SUPT3H: variants seen among roughly 807,000 people sequenced by gnomAD.
The protein encoded by SUPT3H is transcription initiation protein SPT3 homolog.
In SUPT3H, 44 loss-of-function variants were observed where a neutral mutation model predicts 44.3. The observed-to-expected ratio is 0.99, with a 90% confidence interval of 0.78 to 1.28. SUPT3H has a LOEUF of 1.28. Ranked by LOEUF, SUPT3H falls within the 50% of genes most tolerant of loss-of-function variation. SUPT3H has a pLI of 0.00. For synonymous variants in SUPT3H, 124 were observed against 125.6 expected (o/e 0.99, Z 0.09); for missense variants, 380 against 387.1 (o/e 0.98, Z 0.15).
At position 44,948,718 on chromosome 6, in the gene SUPT3H, A is replaced by G. The variant is rs1165414450; in HGVS notation, c.801+4592T>C. On this transcript the variant is annotated intron_variant, in intron 9 of 10. Transcript: ENST00000371459. ...ACCATCTCACACCACTTAGAATGGC[A>G]ATCATTAAAAAGTCAGGAAACAACA... Among the ~76,000 whole-genome samples the G allele has an allele frequency of 1.4e-4, 22 of 152,158 alleles. No individual in the cohort carries two copies. The East Asian group carries it at 3.9e-3, about 27-fold the overall frequency.
chr6:45,325,085 A>G (rs1786144483), intron 2 of SUPT3H, among the ~76,000 whole-genome samples: 1 of 151,830 alleles, frequency 6.6e-6, no homozygotes, highest in South Asian at 2.1e-4. Flanking sequence ...ACAGTCACAT[A>G]CCAAGATGAA....
intron 10 of SUPT3H, among the ~76,000 whole-genome samples, chr6:44,893,049 TACAA>T (rs1266831081): frequency 1.3e-5 from 2 of 152,032 alleles, no homozygotes; most frequent in African/African-American, 2.4e-5. Context: ...AAACAATATA[TACAA>T]ACACACACAC....
At chr6:44,988,023 T>C (rs1244982783) in intron 6 of SUPT3H, among the ~76,000 whole-genome samples, 1 of 152,176 alleles carries the variant, frequency 6.6e-6, no homozygotes, top group Non-Finnish European at 1.5e-5. Context: ...ATTAGTCTGC[T>C]TATTTTTCTC....
chr6:45,130,575 T>C (rs917884094), intron 2 of SUPT3H, among the ~76,000 whole-genome samples: 2 of 151,820 alleles, frequency 1.3e-5, no homozygotes, highest in Admixed American at 6.6e-5. Context: ...TCCTACTGCA[T>C]TTTTACTGTA....
chr6:45,160,134 G>A (rs992441187), intron 2 of SUPT3H, among the ~76,000 whole-genome samples: 3 of 152,284 alleles, frequency 2.0e-5, no homozygotes, highest in Admixed American at 6.5e-5. Flanking sequence ...CAAGGATACC[G>A]AAATGTTTCT....
chr6:44,815,254 TA>T (rs1766831925), intron 11 of SUPT3H, among the ~76,000 whole-genome samples: 1 of 152,162 alleles, frequency 6.6e-6, no homozygotes, highest in Admixed American at 6.5e-5. Context: ...AAGAACAAGT[TA>T]AAGAGTTAAA....
intron 2 of SUPT3H, among the ~76,000 whole-genome samples, chr6:45,151,360 G>A (rs1273814653): frequency 6.6e-6 from 1 of 152,008 alleles, no homozygotes; most frequent in Non-Finnish European, 1.5e-5. Flanking sequence ...AATATCCTCT[G>A]TTAAGCAAGT....
At chr6:44,977,909 A>G (rs1035719036) in intron 6 of SUPT3H, among the ~76,000 whole-genome samples, 1 of 152,160 alleles carries the variant, frequency 6.6e-6, no homozygotes, top group Admixed American at 6.5e-5. Context: ...TGAAACCCTC[A>G]GATTGCGCTA....
intron 2 of SUPT3H, among the ~76,000 whole-genome samples, chr6:45,141,035 T>C (rs147047107): frequency 7.9e-5 from 12 of 152,204 alleles, no homozygotes; most frequent in African/African-American, 2.6e-4. Flanking sequence ...ATCTCTGCAT[T>C]GCCACATAAA....
intron 2 of SUPT3H, among the ~76,000 whole-genome samples, chr6:45,243,770 T>C (rs1003666548): frequency 6.6e-6 from 1 of 152,220 alleles, no homozygotes; most frequent in East Asian, 1.9e-4. Flanking sequence ...ATAAATATCA[T>C]TCTGAATTAC....
At chr6:45,223,485 C>A (rs961411637) in intron 2 of SUPT3H, among the ~76,000 whole-genome samples, 1 of 151,846 alleles carries the variant, frequency 6.6e-6, no homozygotes, top group Non-Finnish European at 1.5e-5. Context: ...CTAGAAATTC[C>A]AATCTAAAAT....
chr6:45,206,180 G>T (rs576731145), intron 2 of SUPT3H, among the ~76,000 whole-genome samples: 2 of 152,252 alleles, frequency 1.3e-5, no homozygotes, highest in South Asian at 4.1e-4. Context: ...AAGAACATGT[G>T]TTAGTAAGGA....
In SUPT3H at chr6:45,224,872, A is replaced by G. The variant is rs192206558; in HGVS notation, c.102-118866T>C. Among the ~76,000 whole-genome samples the G allele has an allele frequency of 7.2e-5, 11 of 152,216 alleles. No individual in the cohort carries two copies. The East Asian group carries it at 1.9e-3, about 27-fold the overall frequency. ...AAGGTAAGATAATTTTTCATTTATT[A>G]TAATATCTATCATTGCCACTATAAT... is the stretch of plus-strand genomic sequence containing the variant. On this transcript the variant is annotated intron_variant, in intron 2 of 10. Coordinates refer to ENST00000371459, the MANE Select transcript of SUPT3H (RefSeq NM_003599.4).
chr6:45,347,087 A>G (rs1791038796), intron 2 of SUPT3H, among the ~76,000 whole-genome samples: 1 of 152,212 alleles, frequency 6.6e-6, no homozygotes, highest in African/African-American at 2.4e-5. Context: ...AAATAAAAAT[A>G]CCCCACAAAT....
intron 2 of SUPT3H, among the ~76,000 whole-genome samples, chr6:45,228,648 TAAAAAA>T (rs1167906061): frequency 6.6e-6 from 1 of 151,918 alleles, no homozygotes; most frequent in Non-Finnish European, 1.5e-5. Flanking sequence ...AAAATAAAAA[TAAAAAA>T]AATTTTTTTT....
At chr6:45,207,608 A>C (rs1331465124) in intron 2 of SUPT3H, among the ~76,000 whole-genome samples, 1 of 152,128 alleles carries the variant, frequency 6.6e-6, no homozygotes, top group African/African-American at 2.4e-5. Flanking sequence ...GCATGGGCTC[A>C]TTTCATATCT....
intron 2 of SUPT3H, among the ~76,000 whole-genome samples, chr6:45,194,516 A>T (rs1053280228): frequency 6.6e-6 from 1 of 152,324 alleles, no homozygotes; most frequent in Non-Finnish European, 1.5e-5. Flanking sequence ...AAAAGAGCAG[A>T]GTAAAATTAT....
intron 5 of SUPT3H, among the ~76,000 whole-genome samples, chr6:45,005,984 T>C (rs1453628542): frequency 6.6e-6 from 1 of 152,144 alleles, no homozygotes; most frequent in South Asian, 2.1e-4. Context: ...TTAGTGCTTA[T>C]GGGTCTATTA....
intron 2 of SUPT3H, among the ~76,000 whole-genome samples, chr6:45,180,069 A>C (rs899341902): frequency 1.3e-5 from 2 of 149,466 alleles, no homozygotes; most frequent in African/African-American, 4.9e-5. Flanking sequence ...CTTATACACC[A>C]ATAACAGACA....
Sources: allele counts gnomAD v4.1 joint callset (sites outside exome capture counted in the v4.1 genomes callset), GRCh38; gene constraint gnomAD v4.1.1; transcripts MANE v1.5; gene names NCBI Gene and HGNC (gene_info 2026-07-23, HGNC 2026-07-21).